The following IFI27 variants were observed in gnomAD, a reference collection of about 807,000 sequenced individuals.
IFI27 encodes interferon alpha-inducible protein 27, mitochondrial.
IFI27 carries 3 observed loss-of-function variants against 8.9 expected under a neutral mutation model. The observed-to-expected ratio is 0.34, with a 90% CI of 0.15 to 0.87. IFI27 has a LOEUF of 0.87. Among genes scored for constraint, IFI27 ranks in the 40% least tolerant of loss-of-function variants. The pLI, the probability that IFI27 is intolerant of heterozygous loss-of-function variation, is 0.51. For synonymous variants in IFI27, 66 were observed against 67.3 expected, an observed-to-expected ratio of 0.98 and a Z score of 0.09; for missense variants, 152 against 157.7, an observed-to-expected ratio of 0.96 and a Z score of 0.19.
At chr14:94,112,278 C>CTCAAAG (rs1887222202) in intron 2 of IFI27, 1 of 163,982 alleles carries the variant, frequency 6.1e-6, no homozygotes, top group African/African-American at 2.4e-5. Flanking sequence ...ATTCCCCTCC[C>CTCAAAG]TCAAAGTCAA....
chr14:94,115,426 A>G (rs1161980815), intron 3 of IFI27: 7 of 567,358 alleles, frequency 1.2e-5, no homozygotes, highest in Non-Finnish European at 2.3e-5. Context: ...TGCTCCCCTA[A>G]TGAGATTTGC....
In IFI27 at chr14:94,111,847, C is replaced by G; in HGVS notation, c.91+74C>G. On this transcript the variant is annotated intron_variant, in intron 2 of 4. Transcript: ENST00000621160. This position sits in a 1 kb window ranked among gnomAD's most constrained non-coding sequence, Gnocchi z 4.3. ...GAAGGGCGGGGGTCCTGTCCCGGGA[C>G]CCGTGGGAGAGAAAATGGGGGACAC... The G allele has an allele frequency of 8.8e-7, 1 of 1,133,806 alleles. No individual in the cohort carries two copies. The highest frequency in any genetic ancestry group is 1.3e-6 in the Non-Finnish European group (1 of 744,558). The allele number at this position is 1,133,806 out of a possible 1,614,324, so 70.2% of individuals were successfully genotyped here.
At chr14:94,110,384 G>A (rs1022422484), upstream of IFI27, among the ~76,000 whole-genome samples, 9 of 152,238 alleles carry the variant, frequency 5.9e-5, 1 homozygote, top group Non-Finnish European at 7.3e-5. Flanking sequence ...TCTGCCTATC[G>A]CAAGGACTAC....
intron 2 of IFI27, chr14:94,114,207 T>C (rs1217791271): frequency 1.3e-5 from 2 of 152,412 alleles, no homozygotes; most frequent in Admixed American, 1.3e-4. Context: ...CATTCTATAG[T>C]GCTTGCCGTG....
chr14:94,110,412 CCTT>C (rs1782254651), upstream of IFI27, among the ~76,000 whole-genome samples: 1 of 152,162 alleles, frequency 6.6e-6, no homozygotes, highest in African/African-American at 2.4e-5. Context: ...CTGAAAATCA[CCTT>C]CTTCATTAGA....
chr14:94,112,606 C>T (rs2139292535), intron 2 of IFI27, among the ~76,000 whole-genome samples: 1 of 152,372 alleles, frequency 6.6e-6, no homozygotes, highest in East Asian at 1.9e-4. Context: ...TGAATGGGGG[C>T]ACAGGGCCCC....
rs954119100 is a variant in IFI27, at chr14:94,112,012, C to T, written c.91+239C>T. ...CCACAGGTCCTCTCCCCTCTGGGCC[C>T]GGGCCTCCTCCTGCCTAGCCGGAAA... On this transcript the variant is annotated intron_variant, in intron 2 of 4. Transcript: ENST00000621160. 31 of 590,126 alleles carry T rather than the reference C, an allele frequency of 5.3e-5. 2 individuals are homozygous for T. The highest frequency in any genetic ancestry group is 2.6e-4 in the South Asian group (13 of 50,574). The allele number at this position is 590,126 out of a possible 1,614,324, so 36.6% of individuals were successfully genotyped here. A position where few individuals can be genotyped will look rare whatever the true frequency, so the allele number is the denominator to read the frequency against.
Position 94,116,466 on chromosome 14 carries a change from C to T in IFI27, c.308C>T (p.Thr103Ile), listed in dbSNP as rs1887415936. Reference sequence around the variant, plus strand: ...GGAGCAACTGGACTCTCCGGATTGACCAAGTTCATCCTGGGCTCCATTGGG... The same window carrying T: ...GGAGCAACTGGACTCTCCGGATTGATCAAGTTCATCCTGGGCTCCATTGGG... Residue 103 changes from threonine to isoleucine, a missense_variant, in exon 5 of 5, where the codon ACC (threonine) becomes ATC (isoleucine). Thr to Ile is a moderately conservative substitution (Grantham distance 89). Coordinates refer to ENST00000621160, the Ensembl canonical transcript of IFI27. The surrounding 1 kb of genome is among the most constrained non-coding windows in gnomAD (Gnocchi z 4.3). 3 of 1,613,360 alleles carry T rather than the reference C, an allele frequency of 1.9e-6. No homozygotes were observed. The highest frequency in any genetic ancestry group is 1.1e-5 in the South Asian group (1 of 90,788).
Position 94,115,956 on chromosome 14 carries a change from C to A in IFI27, c.283+14C>A. 2 of 1,562,238 alleles carry A rather than the reference C, an allele frequency of 1.3e-6. No individual in the cohort carries two copies. Among genetic ancestry groups the A allele is most frequent in the South Asian group, 1.2e-5 (1 of 85,138 alleles). ...TGCAGTCACTGGGTAAGTATCCTGG[C>A]GGGGCTTGCTGGGGAGGGCGATGAG... is the stretch of plus-strand genomic sequence containing the variant. On this transcript the variant is annotated intron_variant, in intron 4 of 4. Coordinates refer to ENST00000621160, the Ensembl canonical transcript of IFI27.
intron 4 of IFI27, 47 bp downstream of exon 4, chr14:94,115,989 A>G (rs1211298590): frequency 6.6e-7 from 1 of 1,523,482 alleles, no homozygotes; most frequent in African/African-American, 1.4e-5. Flanking sequence ...GAGGAGGGCA[A>G]GAGCCTCCAA....
In IFI27 at chr14:94,116,374, CA is replaced by C; in HGVS notation, c.284-67del. 1 of 1,129,356 alleles carries C rather than the reference CA, an allele frequency of 8.9e-7. No homozygotes were observed. 70.0% of individuals were successfully genotyped at this position (1,129,356 alleles called of 1,614,324 possible). ...TGAGGGTCACTGGAGTCTCTGACCC[CA>C]CAGTCCTGCCCACAGAGCTTCCCCG... On this transcript the variant is annotated intron_variant, in intron 4 of 4. Transcript: ENST00000621160. The surrounding 1 kb of genome is among the most constrained non-coding windows in gnomAD (Gnocchi z 4.3).
upstream of IFI27, among the ~76,000 whole-genome samples, chr14:94,109,677 G>T (rs1344634486): frequency 2.0e-5 from 3 of 152,202 alleles, no homozygotes; most frequent in African/African-American, 7.2e-5. Flanking sequence ...AACATTTCTT[G>T]TGATAGTTCC....
chr14:94,107,138 C>T (rs140818801), upstream of IFI27, among the ~76,000 whole-genome samples: 6 of 152,116 alleles, frequency 3.9e-5, no homozygotes, highest in African/African-American at 9.6e-5. Context: ...GGCACAATCT[C>T]GGTTCACTTC....
At chr14:94,115,203 A>G (rs1887344622) in intron 3 of IFI27, 1 of 640,592 alleles carries the variant, frequency 1.6e-6, no homozygotes, top group Admixed American at 2.1e-5. Flanking sequence ...CTCTCCAGAG[A>G]AAAGGCTGGT....
intron 2 of IFI27, chr14:94,113,499 T>G (rs1887269733): frequency 6.6e-6 from 1 of 151,180 alleles, no homozygotes; most frequent in African/African-American, 2.4e-5. Flanking sequence ...TAAGATTCTG[T>G]CTCAAAAAAA....
chr14:94,109,015 C>T (rs187521204), upstream of IFI27, among the ~76,000 whole-genome samples: 2 of 152,192 alleles, frequency 1.3e-5, no homozygotes, highest in Admixed American at 1.3e-4. Flanking sequence ...GCTGTGATCC[C>T]ACAGCCGAAA....
chr14:94,115,379 C>G (rs1415635817), intron 3 of IFI27: 3 of 527,582 alleles, frequency 5.7e-6, no homozygotes, highest in Non-Finnish European at 1.1e-5. Flanking sequence ...TTGAGCCGCT[C>G]TGAATGTGCC....
exon 4 of IFI27, chr14:94,115,794 G>A (rs1186102582): frequency 1.6e-5 from 23 of 1,445,726 alleles, no homozygotes; most frequent in African/African-American, 1.7e-5. Context: ...TGGCCATGGC[G>A]GCTGTGCCCA....
chr14:94,115,460 G>A, intron 3 of IFI27: 2 of 601,484 alleles, frequency 3.3e-6, no homozygotes, highest in South Asian at 3.2e-5. Context: ...TAAGAAACTT[G>A]CCAACCACTC....
Sources: allele counts gnomAD v4.1 joint callset (sites outside exome capture counted in the v4.1 genomes callset), GRCh38; gene constraint gnomAD v4.1.1; non-coding constraint Gnocchi (gnomAD v3.1); transcripts MANE v1.5; gene names NCBI Gene and HGNC (gene_info 2026-07-23, HGNC 2026-07-21).